AGBL4: variants seen among roughly 807,000 people sequenced by gnomAD.
The protein encoded by AGBL4 is AGBL carboxypeptidase 4.
AGBL4 carries 58 observed loss-of-function variants against 66.4 expected under a neutral mutation model. The observed-to-expected ratio is 0.87, with a 90% CI of 0.71 to 1.09. The LOEUF is 1.09. AGBL4 is among the 50% of genes least tolerant of loss of function. The pLI is 0.00. For synonymous variants in AGBL4, 234 were observed against 222.9 expected, an observed-to-expected ratio of 1.05 and a Z score of -0.44; for missense variants, 579 against 631.0, an observed-to-expected ratio of 0.92 and a Z score of 0.88.
At chr1:48,757,822 C>G (rs1391979867) in intron 6 of AGBL4, among the ~76,000 whole-genome samples, 1 of 152,146 alleles carries the variant, frequency 6.6e-6, no homozygotes, top group Admixed American at 6.5e-5. Context: ...GGGGATATTT[C>G]TAGACTAGAT....
At chr1:49,698,048 A>C (rs1054114597) in intron 2 of AGBL4, among the ~76,000 whole-genome samples, 2 of 152,158 alleles carry the variant, frequency 1.3e-5, no homozygotes, top group Admixed American at 1.3e-4. Flanking sequence ...TTATATAAAA[A>C]ATGTGTAAAC....
At chr1:49,860,778 A>C (rs1442551703) in intron 1 of AGBL4, among the ~76,000 whole-genome samples, 2 of 136,154 alleles carry the variant, frequency 1.5e-5, no homozygotes, top group Admixed American at 7.0e-5. Flanking sequence ...CAAAAAAAAA[A>C]ACAAAAAACA....
At chr1:49,125,152 A>C (rs796236579) in intron 4 of AGBL4, among the ~76,000 whole-genome samples, 1 of 152,328 alleles carries the variant, frequency 6.6e-6, no homozygotes, top group African/African-American at 2.4e-5. Flanking sequence ...AATAGCAATA[A>C]AATTTCAGAA....
At chr1:49,445,725 A>T (rs1432757277) in intron 3 of AGBL4, among the ~76,000 whole-genome samples, 1 of 152,088 alleles carries the variant, frequency 6.6e-6, no homozygotes, top group Non-Finnish European at 1.5e-5. Flanking sequence ...CTTTTTAAAA[A>T]TACCTATCTC....
chr1:49,240,887 T>C (rs575678173), intron 4 of AGBL4, among the ~76,000 whole-genome samples: 1 of 152,052 alleles, frequency 6.6e-6, no homozygotes, highest in African/African-American at 2.4e-5. Context: ...TCCAGCCAAA[T>C]CTTCCTAAAC....
chr1:48,991,242 T>C (rs1660582505), intron 5 of AGBL4, among the ~76,000 whole-genome samples: 1 of 152,352 alleles, frequency 6.6e-6, no homozygotes, highest in South Asian at 2.1e-4. Flanking sequence ...AATGTACTAC[T>C]ATAGTGTACA....
At chr1:49,042,779 TA>T (rs1205677391) in intron 5 of AGBL4, among the ~76,000 whole-genome samples, 1 of 152,228 alleles carries the variant, frequency 6.6e-6, no homozygotes, top group Non-Finnish European at 1.5e-5. Context: ...GTTTAAGTTG[TA>T]ATTTTATATA....
At chr1:48,757,669 T>C (rs1459863745) in intron 6 of AGBL4, among the ~76,000 whole-genome samples, 2 of 152,228 alleles carry the variant, frequency 1.3e-5, no homozygotes, top group Non-Finnish European at 2.9e-5. Context: ...CTTGGGGATA[T>C]ACTTTAAGAA....
At chr1:49,002,880 T>C (rs1036599033) in intron 5 of AGBL4, among the ~76,000 whole-genome samples, 2 of 152,216 alleles carry the variant, frequency 1.3e-5, no homozygotes, top group African/African-American at 4.8e-5. Flanking sequence ...TTTGCATGCA[T>C]AGATGCATGT....
chr1:49,035,624 A>G (rs921879834), intron 5 of AGBL4, among the ~76,000 whole-genome samples: 2 of 152,062 alleles, frequency 1.3e-5, no homozygotes, highest in African/African-American at 2.4e-5. Flanking sequence ...GGTGTTTTCT[A>G]TTAGGAGACT....
At chr1:49,239,656 T>C (rs2148316747) in intron 4 of AGBL4, among the ~76,000 whole-genome samples, 1 of 152,108 alleles carries the variant, frequency 6.6e-6, no homozygotes, top group African/African-American at 2.4e-5. Flanking sequence ...AAAAGGAAAA[T>C]GTAAAATTAA....
intron 4 of AGBL4, among the ~76,000 whole-genome samples, chr1:49,051,945 G>A (rs1323093426): frequency 6.6e-6 from 1 of 152,082 alleles, no homozygotes; most frequent in Non-Finnish European, 1.5e-5. Context: ...CACTCAGGGT[G>A]GGAGGAGAGA....
intron 1 of AGBL4, among the ~76,000 whole-genome samples, chr1:49,992,877 A>G (rs899782897): frequency 7.2e-5 from 11 of 152,200 alleles, no homozygotes; most frequent in Non-Finnish European, 1.5e-4. Flanking sequence ...AAGGGAACAC[A>G]CTATAACTGC....
At chr1:48,689,216 A>AG (rs1646583700) in intron 6 of AGBL4, among the ~76,000 whole-genome samples, 3 of 151,104 alleles carry the variant, frequency 2.0e-5, no homozygotes, top group African/African-American at 7.3e-5. Flanking sequence ...AAAAAAAAAA[A>AG]AAAAAAAGAA....
At chr1:49,671,564 TA>T (rs1424010804) in intron 3 of AGBL4, among the ~76,000 whole-genome samples, 17 of 151,632 alleles carry the variant, frequency 1.1e-4, no homozygotes, top group African/African-American at 3.9e-4. Flanking sequence ...AGAATGGGAG[TA>T]AATATTTGCA....
At position 49,678,261 on chromosome 1, in the gene AGBL4, T is replaced by A. The variant is rs547429102; in HGVS notation, c.282+19052A>T. ...TTTATGTGTGTAGGGCTATTCATAT[T>A]ACTCCTTTGTTATTTTATTGACATC... On this transcript the variant is annotated intron_variant, in intron 3 of 13. Transcript: ENST00000371839. Among the ~76,000 whole-genome samples the A allele has an allele frequency of 5.3e-5, 8 of 152,302 alleles. No individual in the cohort carries two copies. The East Asian group carries it at 1.3e-3, about 26-fold the overall frequency.
chr1:49,895,925 G>T (rs928657581), intron 1 of AGBL4, among the ~76,000 whole-genome samples: 2 of 132,806 alleles, frequency 1.5e-5, no homozygotes, highest in African/African-American at 5.9e-5. Flanking sequence ...AAAAGACAGA[G>T]AGTGGCTGAA....
intron 1 of AGBL4, among the ~76,000 whole-genome samples, chr1:49,894,463 G>C (rs2148174702): frequency 6.6e-6 from 1 of 152,240 alleles, no homozygotes; most frequent in East Asian, 1.9e-4. Context: ...GATACTCAAA[G>C]CTGTTTTGAG....
At chr1:49,894,475 A>C (rs1051064525) in intron 1 of AGBL4, among the ~76,000 whole-genome samples, 10 of 152,168 alleles carry the variant, frequency 6.6e-5, no homozygotes, top group Non-Finnish European at 1.5e-5. Context: ...TGTTTTGAGG[A>C]AAATAGCTGT....
Sources: gnomAD v4.1 joint callset for allele counts (sites outside exome capture counted in the v4.1 genomes callset) on GRCh38, gnomAD v4.1.1 for gene constraint, MANE v1.5 for transcripts, NCBI Gene and HGNC (gene_info 2026-07-23, HGNC 2026-07-21) for gene names.